Variants in GABRG3 observed in about 807,000 individuals in gnomAD.
GABRG3 encodes the protein gamma-aminobutyric acid type A receptor subunit gamma3, also known as gamma-aminobutyric acid receptor subunit gamma-3.
GABRG3 carries 25 observed loss-of-function variants against 48.8 expected under a neutral mutation model. The observed-to-expected ratio is 0.51, with a 90% CI of 0.37 to 0.72. GABRG3 has a LOEUF of 0.72. GABRG3 is among the 30% of genes least tolerant of loss of function. GABRG3 has a pLI of 0.00. For missense variants in GABRG3, 394 were observed against 577.9 expected (o/e 0.68, Z 3.26); for synonymous variants, 227 against 217.6 (o/e 1.04, Z -0.38).
At chr15:27,241,388 A>G (rs1890122977) in intron 3 of GABRG3, among the ~76,000 whole-genome samples, 1 of 152,170 alleles carries the variant, frequency 6.6e-6, no homozygotes, top group African/African-American at 2.4e-5. Context: ...AGTTTCTAGA[A>G]CTGTTATACA....
intron 3 of GABRG3, among the ~76,000 whole-genome samples, chr15:27,125,599 T>C (rs1025001891): frequency 2.6e-4 from 39 of 152,208 alleles, no homozygotes; most frequent in Admixed American, 1.8e-3. Flanking sequence ...TCCATAAACA[T>C]GTACAATTTT....
At chr15:27,222,969 G>A (rs1370686648) in intron 3 of GABRG3, among the ~76,000 whole-genome samples, 2 of 152,200 alleles carry the variant, frequency 1.3e-5, no homozygotes, top group East Asian at 3.8e-4. Context: ...AAGCATAAGA[G>A]ATTCTCCCAC....
intron 3 of GABRG3, among the ~76,000 whole-genome samples, chr15:27,287,733 G>A (rs1202245726): frequency 7.1e-6 from 1 of 141,674 alleles, no homozygotes; most frequent in African/African-American, 2.8e-5. Context: ...ATGATTTGCT[G>A]TGTCTTTTTT....
At chr15:27,156,803 A>G (rs920341442) in intron 3 of GABRG3, among the ~76,000 whole-genome samples, 1 of 152,230 alleles carries the variant, frequency 6.6e-6, no homozygotes, top group African/African-American at 2.4e-5. Flanking sequence ...CAATAGGGCC[A>G]TGAACATTTG....
At chr15:27,159,064 T>G (rs924756376) in intron 3 of GABRG3, among the ~76,000 whole-genome samples, 2 of 152,182 alleles carry the variant, frequency 1.3e-5, no homozygotes, top group African/African-American at 4.8e-5. Flanking sequence ...AGGACTTTAT[T>G]TTTTATTTTC....
At chr15:27,218,151 C>G (rs1186597878) in intron 3 of GABRG3, among the ~76,000 whole-genome samples, 1 of 152,092 alleles carries the variant, frequency 6.6e-6, no homozygotes, top group Non-Finnish European at 1.5e-5. Context: ...CTGGGACTAC[C>G]TACAGATGTG....
At chr15:27,412,647 T>C (rs973169581) in intron 5 of GABRG3, among the ~76,000 whole-genome samples, 1 of 152,180 alleles carries the variant, frequency 6.6e-6, no homozygotes, top group Non-Finnish European at 1.5e-5. Context: ...TCTCACACGC[T>C]TGAACGTGGA....
At chr15:27,306,525 T>C (rs1156371324) in intron 3 of GABRG3, among the ~76,000 whole-genome samples, 1 of 134,462 alleles carries the variant, frequency 7.4e-6, no homozygotes. Context: ...ACATATATAA[T>C]ATAAACATAA....
At chr15:27,403,926 A>C (rs1249434030) in intron 5 of GABRG3, among the ~76,000 whole-genome samples, 17 of 126,900 alleles carry the variant, frequency 1.3e-4, no homozygotes, top group South Asian at 5.0e-4. Flanking sequence ...AAAAAAAAAA[A>C]AACAAAAAAA....
intron 3 of GABRG3, among the ~76,000 whole-genome samples, chr15:27,309,064 A>G (rs549870575): frequency 6.6e-6 from 1 of 150,882 alleles, no homozygotes; most frequent in South Asian, 2.1e-4. Flanking sequence ...AAACACATAT[A>G]ATGTAAACAT....
intron 3 of GABRG3, among the ~76,000 whole-genome samples, chr15:27,038,471 C>T (rs563328782): frequency 4.8e-4 from 73 of 152,262 alleles, no homozygotes; most frequent in African/African-American, 1.3e-3. Flanking sequence ...TCTCCTGTCC[C>T]GTGGTAGGTG....
At chr15:27,420,123 A>T (rs1888067468) in intron 5 of GABRG3, among the ~76,000 whole-genome samples, 1 of 152,194 alleles carries the variant, frequency 6.6e-6, no homozygotes, top group Admixed American at 6.5e-5. Context: ...TAGAGGGTAG[A>T]CCCTGCCGTG....
chr15:27,370,401 C>T (rs1895369829), intron 5 of GABRG3, among the ~76,000 whole-genome samples: 2 of 152,212 alleles, frequency 1.3e-5, no homozygotes, highest in African/African-American at 4.8e-5. Flanking sequence ...GCAGCTCTTG[C>T]TTGCTTTGTT....
intron 3 of GABRG3, among the ~76,000 whole-genome samples, chr15:27,303,814 GTA>G (rs1470169600): frequency 2.0e-5 from 3 of 150,456 alleles, no homozygotes; most frequent in Non-Finnish European, 3.0e-5. Context: ...GTGTGTGTGT[GTA>G]TATATGTATA....
chr15:27,468,044 G>A (rs951879658), intron 5 of GABRG3, among the ~76,000 whole-genome samples: 9 of 152,242 alleles, frequency 5.9e-5, no homozygotes, highest in South Asian at 2.1e-4. Flanking sequence ...TAGTCACTTC[G>A]GTACAGTTAT....
At chr15:27,478,057 A>C (rs943755448) in intron 5 of GABRG3, among the ~76,000 whole-genome samples, 1 of 150,770 alleles carries the variant, frequency 6.6e-6, no homozygotes, top group Non-Finnish European at 1.5e-5. Flanking sequence ...ACAAAAAAAA[A>C]AAAAAGAAAG....
At chr15:27,140,385 G>A (rs552141319) in intron 3 of GABRG3, among the ~76,000 whole-genome samples, 14 of 152,300 alleles carry the variant, frequency 9.2e-5, no homozygotes, top group South Asian at 2.1e-4. Flanking sequence ...ATCCCTACAC[G>A]TTTGGGCACA....
intron 5 of GABRG3, among the ~76,000 whole-genome samples, chr15:27,353,158 A>G (rs1894687001): frequency 1.3e-5 from 2 of 151,780 alleles, no homozygotes; most frequent in Non-Finnish European, 2.9e-5. Context: ...GCACCTACAC[A>G]CTGTTCTCAT....
intron 3 of GABRG3, among the ~76,000 whole-genome samples, chr15:27,203,446 T>C (rs1888754014): frequency 6.6e-6 from 1 of 152,198 alleles, no homozygotes; most frequent in South Asian, 2.1e-4. Flanking sequence ...AGTCCACTGT[T>C]AAGCATCTAG....
Sources: allele counts gnomAD v4.1 joint callset (sites outside exome capture counted in the v4.1 genomes callset), GRCh38; gene constraint gnomAD v4.1.1; transcripts MANE v1.5; gene names NCBI Gene and HGNC (gene_info 2026-07-23, HGNC 2026-07-21).